Variants in PRKRIP1 observed in about 807,000 individuals in gnomAD.
PRKRIP1 encodes the protein PRKR interacting protein 1.
Under a neutral mutation model 29.3 loss-of-function variants are expected in PRKRIP1, and 29 were observed. That is an observed-to-expected ratio of 0.99 (90% CI 0.74 to 1.35). The LOEUF is 1.35. Ranked by LOEUF, PRKRIP1 falls within the 40% of genes most tolerant of loss-of-function variation. The probability of loss-of-function intolerance (pLI) is 0.00; values close to 1 mark genes in which losing one functional copy is unlikely to be tolerated. For missense variants in PRKRIP1, 247 were observed against 236.8 expected, an observed-to-expected ratio of 1.04 and a Z score of -0.28; for synonymous variants, 90 against 85.1, an observed-to-expected ratio of 1.06 and a Z score of -0.32.
In PRKRIP1 at chr7:102,404,676, A is replaced by T; in HGVS notation, c.385A>T (p.Lys129Ter). 6.2e-7 allele frequency: 1 copy of T among 1,613,294 alleles called. No homozygotes were observed. Among genetic ancestry groups the T allele is most frequent in the African/African-American group, 1.3e-5 (1 of 75,032 alleles). ...AAEEQTAKRR[K>*]KRQKLKEKKL... ...AGAGGAGCAGACCGCAAAGCGCCGGAAGAAGCGGTAAGCGGCATGGCCTAA... is the reference window on the plus strand; with the variant it reads ...AGAGGAGCAGACCGCAAAGCGCCGGTAGAAGCGGTAAGCGGCATGGCCTAA... The change falls in exon 4 of 6, where the codon AAG (lysine) becomes TAG (stop). Residue 129 changes from lysine (K) to a stop codon, truncating the protein, a stop_gained. Transcript: ENST00000397912. LOFTEE classifies it high-confidence loss of function.
Position 102,426,195 on chromosome 7 carries a change from A to T in PRKRIP1, c.*1084A>T, listed in dbSNP as rs1373368324. The T allele has an allele frequency of 6.5e-6, 1 of 152,816 alleles. No individual in the cohort carries two copies. Among genetic ancestry groups the T allele is most frequent in the Non-Finnish European group, 1.5e-5 (1 of 68,452 alleles). 9.5% of individuals were successfully genotyped at this position (152,816 alleles called of 1,614,324 possible). On this transcript the variant is annotated 3_prime_UTR_variant, in exon 6 of 6. Coordinates refer to ENST00000397912, the MANE Select transcript of PRKRIP1 (RefSeq NM_024653.4). ...CAAGGCAGGAGGACCGCTTGAGTCCAGGGATTCAAGGCCAACCTGGGCAAT... is the reference window on the plus strand; with the variant it reads ...CAAGGCAGGAGGACCGCTTGAGTCCTGGGATTCAAGGCCAACCTGGGCAAT...
Position 102,399,544 on chromosome 7 carries a change from A to G in PRKRIP1, c.206-4A>G, listed in dbSNP as rs1554570921. The G allele has an allele frequency of 1.2e-6, 2 of 1,612,860 alleles. No individual in the cohort carries two copies. Among genetic ancestry groups the G allele is most frequent in the Non-Finnish European group, 1.7e-6 (2 of 1,178,902 alleles). On this transcript the variant is annotated splice_polypyrimidine_tract_variant and splice_region_variant and intron_variant, in intron 2 of 5. Transcript: ENST00000397912. ...TCTAGAACTGTGGACTGTTCTGGCT[A>G]CAGGTTCAAGTGCTGGGGCCGGCAG...
intron 5 of PRKRIP1, among the ~76,000 whole-genome samples, chr7:102,420,131 C>T (rs963708346): frequency 2.0e-5 from 3 of 152,138 alleles, no homozygotes; most frequent in Non-Finnish European, 4.4e-5. Context: ...AGTGATCTGC[C>T]CGCCTTGGCC....
At chr7:102,402,860 A>C (rs1796110077) in intron 3 of PRKRIP1, among the ~76,000 whole-genome samples, 1 of 151,116 alleles carries the variant, frequency 6.6e-6, no homozygotes, top group Non-Finnish European at 1.5e-5. Context: ...CTTCAGCAGC[A>C]CAGAGTAAGA....
chr7:102,406,230 G>C (rs1796218039), intron 4 of PRKRIP1, among the ~76,000 whole-genome samples: 1 of 152,180 alleles, frequency 6.6e-6, no homozygotes, highest in Non-Finnish European at 1.5e-5. Context: ...TCAGAAAGCT[G>C]TAGTGGATCA....
chr7:102,420,364 C>T (rs995072427), intron 5 of PRKRIP1, among the ~76,000 whole-genome samples: 30 of 152,324 alleles, frequency 2.0e-4, no homozygotes, highest in Non-Finnish European at 4.4e-5. Flanking sequence ...TTTCTCTTAC[C>T]TCACATCCTT....
chr7:102,418,780 A>G (rs1056474651), intron 5 of PRKRIP1, among the ~76,000 whole-genome samples: 1 of 152,164 alleles, frequency 6.6e-6, no homozygotes, highest in Non-Finnish European at 1.5e-5. Flanking sequence ...GGACATTGCT[A>G]TGTGCAGTCC....
intron 5 of PRKRIP1, among the ~76,000 whole-genome samples, chr7:102,419,895 G>GTGTT (rs1491329590): frequency 3.1e-4 from 40 of 127,824 alleles, no homozygotes; most frequent in African/African-American, 1.1e-3. Context: ...GTGTGTGTGT[G>GTGTT]TTTTTGAGAT....
chr7:102,399,660 A>G lies in PRKRIP1; in HGVS notation c.306+12A>G, dbSNP rs782242353. The G allele has an allele frequency of 2.5e-6, 4 of 1,595,344 alleles. No individual in the cohort carries two copies. Among genetic ancestry groups the G allele is most frequent in the East Asian group, 2.2e-5 (1 of 44,802 alleles). ...CCATGGCTGAGAAGGTCAGTGAGCCAGAAGGCTGGCTGAGCCCCCATGTTT... is the reference window on the plus strand; with the variant it reads ...CCATGGCTGAGAAGGTCAGTGAGCCGGAAGGCTGGCTGAGCCCCCATGTTT... On this transcript the variant is annotated intron_variant, in intron 3 of 5. Coordinates refer to ENST00000397912, the MANE Select transcript of PRKRIP1 (RefSeq NM_024653.4).
intron 5 of PRKRIP1, chr7:102,423,527 C>T (rs186570509): frequency 4.6e-6 from 1 of 219,374 alleles, no homozygotes; most frequent in African/African-American, 2.3e-5. Flanking sequence ...AGTTCCTCCA[C>T]CTCTCTGGGT....
chr7:102,402,061 C>T (rs137991308), intron 3 of PRKRIP1, among the ~76,000 whole-genome samples: 152 of 152,218 alleles, frequency 1.0e-3, no homozygotes, highest in African/African-American at 3.5e-3. Context: ...CAGTCTCAAT[C>T]CTAGTGAGAA....
chr7:102,408,408 C>G (rs1027571280), intron 5 of PRKRIP1, among the ~76,000 whole-genome samples: 1 of 152,174 alleles, frequency 6.6e-6, no homozygotes, highest in Admixed American at 6.5e-5. Context: ...AGATCCAGGT[C>G]CCATTAATAA....
intron 5 of PRKRIP1, among the ~76,000 whole-genome samples, chr7:102,418,888 G>T (rs1796619783): frequency 6.6e-6 from 1 of 151,866 alleles, no homozygotes; most frequent in Non-Finnish European, 1.5e-5. Flanking sequence ...TTGAGACGAT[G>T]TTACATTTTA....
intron 5 of PRKRIP1, among the ~76,000 whole-genome samples, chr7:102,411,434 G>A (rs781333889): frequency 4.0e-5 from 6 of 151,570 alleles, no homozygotes; most frequent in South Asian, 2.1e-4. Flanking sequence ...CACCTAGGCC[G>A]GAGTACAGTG....
chr7:102,403,365 C>A (rs896399594), intron 3 of PRKRIP1, among the ~76,000 whole-genome samples: 8 of 152,192 alleles, frequency 5.3e-5, no homozygotes, highest in Non-Finnish European at 8.8e-5. Context: ...GCGGTGCAGA[C>A]CAGCAGAGGT....
At position 102,407,477 on chromosome 7, in the gene PRKRIP1, C is replaced by T. The variant is rs782372299; in HGVS notation, c.436C>T (p.Leu146Phe). The change falls in exon 5 of 6, where the codon CTT (leucine) becomes TTT (phenylalanine). Residue 146 changes from leucine to phenylalanine, a missense_variant. This residue lies in a region of PRKRIP1 where 134 missense variants were observed against 126.6 expected (regional missense o/e 1.06). Coordinates refer to ENST00000397912, the MANE Select transcript of PRKRIP1 (RefSeq NM_024653.4). ...GAAATTACTGGCAAAGAAGATGAAA[C>T]TTGAACAGAAGAAACAAGAAGGTGA... Reference protein sequence around the residue: ...EKKLLAKKMKLEQKKQEGPGQ... With the variant: ...EKKLLAKKMKFEQKKQEGPGQ... The T allele has an allele frequency of 6.2e-7, 1 of 1,612,992 alleles. No individual in the cohort carries two copies. The highest frequency in any genetic ancestry group is 1.1e-5 in the South Asian group (1 of 91,044).
intron 5 of PRKRIP1, among the ~76,000 whole-genome samples, chr7:102,415,010 C>G (rs192055741): frequency 2.6e-5 from 4 of 152,226 alleles, no homozygotes; most frequent in Non-Finnish European, 5.9e-5. Flanking sequence ...AGAGATAGCC[C>G]CAGTTTTTAC....
At chr7:102,399,767 T>C (rs1182245060) in intron 3 of PRKRIP1, 119 bp downstream of exon 3, 4 of 728,144 alleles carry the variant, frequency 5.5e-6, no homozygotes, top group Non-Finnish European at 9.2e-6. Flanking sequence ...TCCCAGCACT[T>C]TGGAAGGCCG....
At chr7:102,411,362 T>C (rs1796377690) in intron 5 of PRKRIP1, among the ~76,000 whole-genome samples, 1 of 151,942 alleles carries the variant, frequency 6.6e-6, no homozygotes, top group Non-Finnish European at 1.5e-5. Context: ...CCGTGGTTTT[T>C]CTCTGGCTGC....
Sources: allele counts gnomAD v4.1 joint callset (sites outside exome capture counted in the v4.1 genomes callset), GRCh38; gene constraint gnomAD v4.1.1; regional missense constraint gnomAD v4.1.1; transcripts MANE v1.5; gene names NCBI Gene and HGNC (gene_info 2026-07-23, HGNC 2026-07-21).